NKAIN3: variants seen among roughly 807,000 people sequenced by gnomAD.
The protein encoded by NKAIN3 is sodium/potassium-transporting ATPase subunit beta-1-interacting protein 3.
NKAIN3 carries 25 observed loss-of-function variants against 30.2 expected under a neutral mutation model. The ratio of observed to expected loss-of-function variants is 0.83; its 90% CI spans 0.60 to 1.16. The LOEUF (loss-of-function observed/expected upper bound fraction) is 1.16. NKAIN3 is among the 50% of genes most tolerant of loss of function. The pLI is 0.00. For synonymous variants in NKAIN3, 91 were observed against 89.6 expected, an observed-to-expected ratio of 1.02 and a Z score of -0.09; for missense variants, 225 against 254.1, an observed-to-expected ratio of 0.89 and a Z score of 0.78.
chr8:62,295,672 GA>G (rs1480920458), intron 1 of NKAIN3, among the ~76,000 whole-genome samples: 1 of 152,130 alleles, frequency 6.6e-6, no homozygotes, highest in Non-Finnish European at 1.5e-5. Flanking sequence ...AACAAAAAGA[GA>G]AAATCCTGTT....
At chr8:62,646,207 G>T (rs986030429) in intron 3 of NKAIN3, among the ~76,000 whole-genome samples, 1 of 149,360 alleles carries the variant, frequency 6.7e-6, no homozygotes, top group Non-Finnish European at 1.5e-5. Flanking sequence ...GTCTTTCCAT[G>T]AAACAGTTTT....
At chr8:62,943,585 G>T (rs950411717) in intron 5 of NKAIN3, among the ~76,000 whole-genome samples, 8 of 148,484 alleles carry the variant, frequency 5.4e-5, no homozygotes, top group Non-Finnish European at 1.2e-4. Flanking sequence ...ACACTTGCAC[G>T]TGCATGTTTA....
At chr8:62,301,303 G>C (rs1752615720) in intron 1 of NKAIN3, among the ~76,000 whole-genome samples, 1 of 152,020 alleles carries the variant, frequency 6.6e-6, no homozygotes, top group South Asian at 2.1e-4. Context: ...AAATTGTCCG[G>C]AGTTTAATGG....
At chr8:62,991,233 G>C (rs1263514283) in intron 5 of NKAIN3, among the ~76,000 whole-genome samples, 1 of 152,192 alleles carries the variant, frequency 6.6e-6, no homozygotes, top group Non-Finnish European at 1.5e-5. Context: ...ATCAAGGCAA[G>C]AAGTTGAGGT....
chr8:62,499,041 A>G (rs2129663755), intron 1 of NKAIN3, among the ~76,000 whole-genome samples: 1 of 152,226 alleles, frequency 6.6e-6, no homozygotes, highest in East Asian at 1.9e-4. Context: ...ATTTTTATCA[A>G]TTCAGATTCT....
chr8:62,440,753 A>G (rs1011260160), intron 1 of NKAIN3, among the ~76,000 whole-genome samples: 7 of 151,832 alleles, frequency 4.6e-5, no homozygotes, highest in East Asian at 1.9e-4. Context: ...ACAGATGTCA[A>G]TGAAAGACCT....
chr8:62,461,857 C>T (rs1302344943), intron 1 of NKAIN3, among the ~76,000 whole-genome samples: 1 of 152,154 alleles, frequency 6.6e-6, no homozygotes, highest in African/African-American at 2.4e-5. Context: ...TGCTCATACT[C>T]ATAAGTGTGA....
intron 1 of NKAIN3, among the ~76,000 whole-genome samples, chr8:62,325,726 G>T (rs547223557): frequency 1.3e-5 from 2 of 151,916 alleles, no homozygotes; most frequent in East Asian, 1.9e-4. Flanking sequence ...CATTTAATTT[G>T]CATTTTGCAT....
intron 6 of NKAIN3, among the ~76,000 whole-genome samples, chr8:62,960,865 T>A (rs1420947045): frequency 6.6e-6 from 1 of 152,012 alleles, no homozygotes; most frequent in Admixed American, 6.6e-5. Flanking sequence ...TACTAACATA[T>A]CTACAAACGT....
chr8:62,850,509 T>C (rs1278638087), intron 4 of NKAIN3, among the ~76,000 whole-genome samples: 5 of 152,158 alleles, frequency 3.3e-5, no homozygotes, highest in African/African-American at 1.2e-4. Flanking sequence ...CTTTTGGTGT[T>C]TTAGACATGA....
At chr8:62,646,923 A>G (rs73264848) in intron 3 of NKAIN3, among the ~76,000 whole-genome samples, 117 of 152,290 alleles carry the variant, frequency 7.7e-4, no homozygotes, top group African/African-American at 2.7e-3. Flanking sequence ...CAATGAGTAA[A>G]AAGATGACTT....
At chr8:62,919,369 T>C (rs961634375) in intron 5 of NKAIN3, among the ~76,000 whole-genome samples, 1 of 149,300 alleles carries the variant, frequency 6.7e-6, no homozygotes. Context: ...CTCAGCCTCC[T>C]GAGTGGCTGG....
chr8:62,905,049 A>G (rs1422939884), intron 4 of NKAIN3, among the ~76,000 whole-genome samples: 2 of 152,190 alleles, frequency 1.3e-5, no homozygotes, highest in African/African-American at 4.8e-5. Context: ...GCTGTGATAC[A>G]AAGCAGTACC....
chr8:62,289,348 T>C (rs1415919787), intron 1 of NKAIN3, among the ~76,000 whole-genome samples: 3 of 152,302 alleles, frequency 2.0e-5, no homozygotes, highest in Non-Finnish European at 2.9e-5. Context: ...ATTGCCTAGG[T>C]TTTCTTCTAG....
At chr8:62,884,341 C>T (rs55641096) in intron 4 of NKAIN3, among the ~76,000 whole-genome samples, 43,678 of 151,740 alleles carry the variant, frequency 0.29, 6,565 homozygotes, top group African/African-American at 0.35. Flanking sequence ...TCACCACAAC[C>T]TCTGTCTCCC....
chr8:62,292,124 C>T (rs1813661634), intron 1 of NKAIN3, among the ~76,000 whole-genome samples: 1 of 152,006 alleles, frequency 6.6e-6, no homozygotes, highest in South Asian at 2.1e-4. Flanking sequence ...TTTGAGCCTA[C>T]ATGTATCTCT....
intron 5 of NKAIN3, among the ~76,000 whole-genome samples, chr8:62,992,045 G>A (rs148622286): frequency 2.0e-3 from 306 of 151,208 alleles, no homozygotes; most frequent in East Asian, 0.013. Flanking sequence ...TTTAGACAGA[G>A]TCTCGCTTTG....
At chr8:62,874,355 A>G (rs567762027) in intron 4 of NKAIN3, among the ~76,000 whole-genome samples, 3 of 152,286 alleles carry the variant, frequency 2.0e-5, no homozygotes, top group African/African-American at 7.2e-5. Flanking sequence ...TACCAACCAA[A>G]AAAACCCCAG....
chr8:62,652,929 A>C (rs182574514), intron 3 of NKAIN3, among the ~76,000 whole-genome samples: 184 of 152,264 alleles, frequency 1.2e-3, no homozygotes, highest in African/African-American at 4.3e-3. Context: ...ACTACTATGC[A>C]TTGATAACAA....
Sources: allele counts gnomAD v4.1 joint callset (sites outside exome capture counted in the v4.1 genomes callset), GRCh38; gene constraint gnomAD v4.1.1; transcripts MANE v1.5; gene names NCBI Gene and HGNC (gene_info 2026-07-23, HGNC 2026-07-21).